CDH4: variants seen among roughly 807,000 people sequenced by gnomAD.
CDH4 encodes cadherin 4, also known as cadherin-4.
A neutral mutation model predicts 86.0 loss-of-function variants in CDH4; 33 were observed. The observed-to-expected ratio is 0.38, with a 90% CI of 0.29 to 0.51. CDH4 has a LOEUF of 0.51. Ranked by LOEUF, CDH4 falls within the 20% of genes least tolerant of loss-of-function variation. The pLI is 0.86. For missense variants in CDH4, 1,114 were observed against 1,307.4 expected (o/e 0.85, Z 2.28); for synonymous variants, 555 against 549.4 (o/e 1.01, Z -0.14).
At chr20:61,351,844 G>A (rs893605348) in intron 2 of CDH4, among the ~76,000 whole-genome samples, 99 of 152,166 alleles carry the variant, frequency 6.5e-4, no homozygotes, top group African/African-American at 2.2e-3. Flanking sequence ...AGCCTCGCGA[G>A]TAGCTGGGAC....
In CDH4 at chr20:61,853,486, T is replaced by C. The variant is rs190329316; in HGVS notation, c.877+588T>C. Reference sequence around the variant, plus strand: ...TCCCCTCAGAGCTGACCCAAGAGCCTGTCCCCCGAGACTTCACTCTGGCAC... The same window carrying C: ...TCCCCTCAGAGCTGACCCAAGAGCCCGTCCCCCGAGACTTCACTCTGGCAC... On this transcript the variant is annotated intron_variant, in intron 6 of 15. Coordinates refer to ENST00000614565, the MANE Select transcript of CDH4 (RefSeq NM_001794.5). Among the ~76,000 whole-genome samples, 57 of 152,244 alleles carry C rather than the reference T, an allele frequency of 3.7e-4. No individual in the cohort carries two copies. The East Asian group carries it at 0.011, about 29-fold the overall frequency.
rs2088503919 is a variant in CDH4, at chr20:61,752,081, C to CA, written c.396+8293dup. Among the ~76,000 whole-genome samples the CA allele has an allele frequency of 2.0e-5, 3 of 152,168 alleles. No homozygotes were observed. In the South Asian group the frequency reaches 6.2e-4, roughly 32 times the overall value. On this transcript the variant is annotated intron_variant, in intron 3 of 15. Transcript: ENST00000614565. ...GTGCGGTGGCTCACGCCTGTAATCC[C>CA]AGCACTTTGGGAGGCCAAGGTGGGC... is the stretch of plus-strand genomic sequence containing the variant.
At chr20:61,818,826 G>C (rs1165672456) in intron 4 of CDH4, among the ~76,000 whole-genome samples, 1 of 151,982 alleles carries the variant, frequency 6.6e-6, no homozygotes, top group Admixed American at 6.6e-5. Flanking sequence ...GCAGCCCTCT[G>C]TTTATCCACA....
intron 2 of CDH4, among the ~76,000 whole-genome samples, chr20:61,374,451 C>T (rs2084855816): frequency 6.6e-6 from 1 of 152,154 alleles, no homozygotes; most frequent in African/African-American, 2.4e-5. Context: ...TTGCAGACTG[C>T]CCGATCTCGG....
At chr20:61,883,701 C>T (rs2086678053) in intron 7 of CDH4, among the ~76,000 whole-genome samples, 1 of 152,198 alleles carries the variant, frequency 6.6e-6, no homozygotes. Context: ...TCCTCTATGA[C>T]CCAGGGGTGG....
At chr20:61,291,729 G>C (rs2084322284) in intron 2 of CDH4, among the ~76,000 whole-genome samples, 2 of 152,142 alleles carry the variant, frequency 1.3e-5, no homozygotes, top group Admixed American at 1.3e-4. Flanking sequence ...CGGAGACTCG[G>C]TTTCCATTAT....
intron 2 of CDH4, among the ~76,000 whole-genome samples, chr20:61,647,715 CTG>C (rs976630375): frequency 1.6e-4 from 24 of 152,082 alleles, no homozygotes; most frequent in Non-Finnish European, 2.9e-4. Context: ...GGCTGGTGTT[CTG>C]TGTCTGTGGG....
At chr20:61,602,386 ACT>A (rs2086608363) in intron 2 of CDH4, among the ~76,000 whole-genome samples, 1 of 152,096 alleles carries the variant, frequency 6.6e-6, no homozygotes, top group Admixed American at 6.6e-5. Context: ...CTCAAAGGAA[ACT>A]CACATGTCTT....
At chr20:61,441,586 G>A (rs1195023421) in intron 2 of CDH4, among the ~76,000 whole-genome samples, 1 of 152,190 alleles carries the variant, frequency 6.6e-6, no homozygotes, top group African/African-American at 2.4e-5. Context: ...TGGTTATGAG[G>A]TCATGAGGAC....
At chr20:61,453,578 TAAC>T (rs1447506673) in intron 2 of CDH4, among the ~76,000 whole-genome samples, 3 of 152,142 alleles carry the variant, frequency 2.0e-5, no homozygotes, top group East Asian at 3.9e-4. Context: ...GCTCAACCCA[TAAC>T]AACCAGAGCC....
chr20:61,775,703 G>C (rs932003502), intron 4 of CDH4, among the ~76,000 whole-genome samples: 1 of 152,200 alleles, frequency 6.6e-6, no homozygotes, highest in Non-Finnish European at 1.5e-5. Flanking sequence ...TATTTGTGGA[G>C]TGAGTGAGCA....
intron 4 of CDH4, among the ~76,000 whole-genome samples, chr20:61,830,829 G>A (rs1036067987): frequency 6.6e-6 from 1 of 152,224 alleles, no homozygotes; most frequent in African/African-American, 2.4e-5. Context: ...GGTCGCACGT[G>A]CTGAGTCTCG....
At chr20:61,776,986 G>A (rs1002963055) in intron 4 of CDH4, among the ~76,000 whole-genome samples, 5 of 152,212 alleles carry the variant, frequency 3.3e-5, no homozygotes, top group Non-Finnish European at 7.3e-5. Flanking sequence ...TTTCCTCCCT[G>A]ATGAACCCAC....
intron 3 of CDH4, among the ~76,000 whole-genome samples, chr20:61,764,676 G>A (rs573452708): frequency 2.0e-5 from 3 of 152,308 alleles, no homozygotes; most frequent in African/African-American, 7.2e-5. Context: ...CCCCATCAGT[G>A]GCAGTTTTGC....
At chr20:61,812,016 C>T (rs896480598) in intron 4 of CDH4, among the ~76,000 whole-genome samples, 10 of 152,120 alleles carry the variant, frequency 6.6e-5, no homozygotes, top group African/African-American at 1.9e-4. Context: ...GGTTTGAGGC[C>T]CTGTGTGGTT....
chr20:61,493,933 G>A (rs1047998853), intron 2 of CDH4, among the ~76,000 whole-genome samples: 1 of 152,168 alleles, frequency 6.6e-6, no homozygotes, highest in African/African-American at 2.4e-5. Flanking sequence ...ATGGTCCTCA[G>A]TGTCCCCCAC....
intron 14 of CDH4, among the ~76,000 whole-genome samples, chr20:61,933,436 C>T (rs2123010349): frequency 6.6e-6 from 1 of 152,336 alleles, no homozygotes; most frequent in East Asian, 1.9e-4. Flanking sequence ...GATGCCCACT[C>T]GCGGATGCTG....
intron 4 of CDH4, among the ~76,000 whole-genome samples, chr20:61,812,863 A>T (rs1173020926): frequency 1.3e-5 from 2 of 152,214 alleles, no homozygotes; most frequent in Admixed American, 1.3e-4. Context: ...TTCTTCCTGC[A>T]GGCCACCTGC....
intron 12 of CDH4, among the ~76,000 whole-genome samples, chr20:61,928,894 A>C (rs2055075161): frequency 6.6e-6 from 1 of 152,218 alleles, no homozygotes; most frequent in Admixed American, 6.5e-5. Flanking sequence ...AACACTGAAC[A>C]TTATTGTTTT....
Sources: gnomAD v4.1 joint callset for allele counts (sites outside exome capture counted in the v4.1 genomes callset) on GRCh38, gnomAD v4.1.1 for gene constraint, MANE v1.5 for transcripts, NCBI Gene and HGNC (gene_info 2026-07-23, HGNC 2026-07-21) for gene names.